Variants in TSHR observed in about 807,000 individuals in gnomAD.
The protein encoded by TSHR is thyroid stimulating hormone receptor.
Under a neutral mutation model 64.1 loss-of-function variants are expected in TSHR, and 51 were observed. The ratio of observed to expected loss-of-function variants is 0.80; its 90% CI spans 0.64 to 1.01. The LOEUF is 1.01. Ranked by LOEUF, TSHR falls within the 50% of genes least tolerant of loss-of-function variation. The probability of loss-of-function intolerance (pLI) is 0.00; values close to 1 mark genes in which losing one functional copy is unlikely to be tolerated. For missense variants in TSHR, 877 were observed against 942.8 expected (o/e 0.93, Z 0.91); for synonymous variants, 361 against 361.9 (o/e 1.00, Z 0.03).
At chr14:81,037,070 G>A (rs553738455) in intron 1 of TSHR, among the ~76,000 whole-genome samples, 1 of 151,858 alleles carries the variant, frequency 6.6e-6, no homozygotes, top group Admixed American at 6.6e-5. Flanking sequence ...TTGAACCCGG[G>A]AGACGAGGTT....
At chr14:81,070,403 C>T (rs771336603) in intron 3 of TSHR, among the ~76,000 whole-genome samples, 4 of 151,920 alleles carry the variant, frequency 2.6e-5, no homozygotes, top group Admixed American at 6.6e-5. Flanking sequence ...CCAAGGCAGG[C>T]GGATCACGAG....
chr14:81,078,433 T>C (rs1032598299), intron 3 of TSHR, among the ~76,000 whole-genome samples: 1 of 152,236 alleles, frequency 6.6e-6, no homozygotes, highest in South Asian at 2.1e-4. Context: ...CTCTGGTTAC[T>C]TGTAAAACTT....
chr14:80,978,538 T>C (rs1888009994), intron 1 of TSHR, among the ~76,000 whole-genome samples: 1 of 152,234 alleles, frequency 6.6e-6, no homozygotes, highest in Non-Finnish European at 1.5e-5. Flanking sequence ...GAGCAAAGAC[T>C]GCCTGTTAGA....
At chr14:80,968,006 A>G (rs1389316301) in intron 1 of TSHR, among the ~76,000 whole-genome samples, 3 of 152,194 alleles carry the variant, frequency 2.0e-5, no homozygotes, top group Non-Finnish European at 2.9e-5. Flanking sequence ...ACATCTATCC[A>G]TCAGTTCTTG....
intron 1 of TSHR, among the ~76,000 whole-genome samples, chr14:80,965,802 T>TAATTACAAAATTTTTAATTACA (rs1887270456): frequency 6.6e-6 from 1 of 152,254 alleles, no homozygotes; most frequent in Non-Finnish European, 1.5e-5. Flanking sequence ...AATAATTTTT[T>TAATTACAAAATTTTTAATTACA]AATTACAAAG....
At chr14:81,104,944 C>T (rs1257489974) in intron 7 of TSHR, 1 of 985,308 alleles carries the variant, frequency 1.0e-6, no homozygotes, top group Admixed American at 6.1e-5. Flanking sequence ...AATACCAGTT[C>T]TTTTCTCATA....
intron 1 of TSHR, among the ~76,000 whole-genome samples, chr14:80,984,260 T>G (rs1297886697): frequency 6.6e-6 from 1 of 152,274 alleles, no homozygotes; most frequent in Non-Finnish European, 1.5e-5. Flanking sequence ...ATTTGTTCAA[T>G]TTTAATTTTG....
Position 81,145,507 on chromosome 14 carries a change from T to TC in TSHR, c.*1154_*1155insC, listed in dbSNP as rs886050858. 3 of 84,240 alleles carry TC rather than the reference T, an allele frequency of 3.6e-5. No individual in the cohort carries two copies. Among genetic ancestry groups the TC allele is most frequent in the Non-Finnish European group, 5.9e-5 (3 of 51,212 alleles). The allele number at this position is 84,240 out of a possible 1,614,324, so 5.2% of individuals were successfully genotyped here. On this transcript the variant is annotated 3_prime_UTR_variant, in exon 10 of 10. Transcript: ENST00000298171. Reference sequence around the variant, plus strand: ...AATTACTAGATCTACCCAGCTGTTATATCAGGCCAAAAACAGATTCGTGTT... The same window carrying TC: ...AATTACTAGATCTACCCAGCTGTTATCATCAGGCCAAAAACAGATTCGTGTT...
At position 81,038,923 on chromosome 14, in the gene TSHR, A is replaced by G. The variant is rs557724105; in HGVS notation, c.171-23225A>G. Among the ~76,000 whole-genome samples, 6 of 151,858 alleles carry G rather than the reference A, an allele frequency of 4.0e-5. No homozygotes were observed. In the East Asian group the frequency reaches 5.8e-4, roughly 15 times the overall value. Reference sequence around the variant, plus strand: ...TAAAAATTTCCGATCACAGAAAACCATGGGACCTGATGGCTTCATTGCTGA... The same window carrying G: ...TAAAAATTTCCGATCACAGAAAACCGTGGGACCTGATGGCTTCATTGCTGA... On this transcript the variant is annotated intron_variant, in intron 1 of 9. Transcript: ENST00000298171.
chr14:81,145,503 G>C lies in TSHR; in HGVS notation c.*1150G>C, dbSNP rs1891893478. On this transcript the variant is annotated 3_prime_UTR_variant, in exon 10 of 10. Coordinates refer to ENST00000298171, the MANE Select transcript of TSHR (RefSeq NM_000369.5). ...ATTTAATTACTAGATCTACCCAGCTGTTATATCAGGCCAAAAACAGATTCG... is the reference window on the plus strand; with the variant it reads ...ATTTAATTACTAGATCTACCCAGCTCTTATATCAGGCCAAAAACAGATTCG... 9.0e-6 allele frequency: 1 copy of C among 111,636 alleles called. No individual in the cohort carries two copies. The highest frequency in any genetic ancestry group is 7.7e-5 in the African/African-American group (1 of 13,056). 6.9% of individuals were successfully genotyped at this position (111,636 alleles called of 1,614,324 possible).
At chr14:81,112,525 G>C (rs1890269038) in intron 8 of TSHR, among the ~76,000 whole-genome samples, 1 of 152,024 alleles carries the variant, frequency 6.6e-6, no homozygotes, top group Non-Finnish European at 1.5e-5. Context: ...GCTCTTATTT[G>C]GCCATTCACC....
intron 1 of TSHR, among the ~76,000 whole-genome samples, chr14:81,044,668 A>AC (rs1299701072): frequency 7.3e-6 from 1 of 136,762 alleles, no homozygotes; most frequent in Non-Finnish European, 1.7e-5. Context: ...AAAAAAAAAA[A>AC]AAAAAACACA....
chr14:81,025,712 T>G (rs777598328), intron 1 of TSHR, among the ~76,000 whole-genome samples: 3 of 152,240 alleles, frequency 2.0e-5, no homozygotes, highest in African/African-American at 7.2e-5. Flanking sequence ...GGATGAAATA[T>G]TTAGTTTCAG....
chr14:81,106,191 G>A (rs1218643341), intron 7 of TSHR, among the ~76,000 whole-genome samples: 1 of 152,138 alleles, frequency 6.6e-6, no homozygotes, highest in East Asian at 1.9e-4. Context: ...TGGGTGTTCT[G>A]CCACTACCAG....
At chr14:81,138,734 A>G (rs1295709178) in intron 8 of TSHR, among the ~76,000 whole-genome samples, 2 of 152,160 alleles carry the variant, frequency 1.3e-5, no homozygotes, top group Non-Finnish European at 2.9e-5. Context: ...AATGGAATTC[A>G]CTAGCTAATT....
intron 8 of TSHR, among the ~76,000 whole-genome samples, chr14:81,111,101 C>T (rs1890206704): frequency 6.6e-6 from 1 of 152,102 alleles, no homozygotes; most frequent in South Asian, 2.1e-4. Context: ...ATATTTTTTA[C>T]TTATTAATAT....
chr14:81,104,247 G>A (rs1889754950), intron 7 of TSHR: 3 of 985,296 alleles, frequency 3.0e-6, no homozygotes, highest in East Asian at 1.1e-4. Flanking sequence ...AACATGAGAG[G>A]TAGGCAGGGG....
chr14:81,043,131 GAGA>G (rs1325808674), intron 1 of TSHR, among the ~76,000 whole-genome samples: 4 of 152,134 alleles, frequency 2.6e-5, no homozygotes, highest in African/African-American at 9.7e-5. Flanking sequence ...CAGATTCAAA[GAGA>G]AGAAGTCAAA....
chr14:81,108,932 TA>T (rs1481249792), intron 8 of TSHR: 1 of 1,383,274 alleles, frequency 7.2e-7, no homozygotes, highest in Non-Finnish European at 9.4e-7. Flanking sequence ...AAACATTTTT[TA>T]AACAGCATGA....
Sources: gnomAD v4.1 joint callset for allele counts (sites outside exome capture counted in the v4.1 genomes callset) on GRCh38, gnomAD v4.1.1 for gene constraint, MANE v1.5 for transcripts, NCBI Gene and HGNC (gene_info 2026-07-23, HGNC 2026-07-21) for gene names.